The following CMSS1 variants were observed in gnomAD, a reference collection of about 807,000 sequenced individuals.
The protein encoded by CMSS1 is protein CMSS1.
CMSS1 carries 33 observed loss-of-function variants against 43.5 expected under a neutral mutation model. The ratio of observed to expected loss-of-function variants is 0.76; its 90% confidence interval spans 0.57 to 1.01. CMSS1 has a LOEUF of 1.01. Ranked by LOEUF, CMSS1 falls within the 50% of genes least tolerant of loss-of-function variation. The pLI is 0.00. For synonymous variants in CMSS1, 115 were observed against 117.2 expected, an observed-to-expected ratio of 0.98 and a Z score of 0.12; for missense variants, 313 against 326.4, an observed-to-expected ratio of 0.96 and a Z score of 0.32.
intron 1 of CMSS1, among the ~76,000 whole-genome samples, chr3:100,078,078 TAA>T (rs538006223): frequency 6.2e-5 from 9 of 146,002 alleles, no homozygotes; most frequent in African/African-American, 1.8e-4. Context: ...GGGCTTGCTT[TAA>T]AAAAAAAAAA....
chr3:100,150,809 CA>C (rs2066900800), intron 2 of CMSS1, among the ~76,000 whole-genome samples: 1 of 152,228 alleles, frequency 6.6e-6, no homozygotes, highest in South Asian at 2.1e-4. Context: ...TCTTCAGCAT[CA>C]GTCATTTCAG....
At chr3:99,966,870 C>G (rs1708669066) in intron 1 of CMSS1, among the ~76,000 whole-genome samples, 1 of 152,192 alleles carries the variant, frequency 6.6e-6, no homozygotes, top group Non-Finnish European at 1.5e-5. Context: ...TGAACTAACT[C>G]AAGCTGGCAG....
chr3:100,173,631 A>C (rs1405665527), intron 8 of CMSS1, among the ~76,000 whole-genome samples: 2 of 152,256 alleles, frequency 1.3e-5, no homozygotes, highest in Non-Finnish European at 2.9e-5. Flanking sequence ...CTGAATCTGC[A>C]GGGCAGGGTC....
At chr3:99,996,296 T>C (rs919449532) in intron 1 of CMSS1, among the ~76,000 whole-genome samples, 3 of 152,142 alleles carry the variant, frequency 2.0e-5, no homozygotes, top group Non-Finnish European at 2.9e-5. Flanking sequence ...TCACCTTTGC[T>C]CCAGTTCCCA....
chr3:100,172,172 C>T (rs2067115618), intron 7 of CMSS1, 144 bp from the exon 8 acceptor site: 1 of 707,924 alleles, frequency 1.4e-6, no homozygotes, highest in Non-Finnish European at 2.4e-6. Context: ...ATATGCTCAT[C>T]TCTGCCCTGG....
chr3:100,067,951 G>T (rs2065694182), intron 1 of CMSS1, among the ~76,000 whole-genome samples: 1 of 152,116 alleles, frequency 6.6e-6, no homozygotes, highest in Non-Finnish European at 1.5e-5. Context: ...TCATGTCCTT[G>T]TGTTAGTCTG....
At chr3:99,926,412 A>G (rs981778595) in intron 1 of CMSS1, among the ~76,000 whole-genome samples, 1 of 152,238 alleles carries the variant, frequency 6.6e-6, no homozygotes, top group African/African-American at 2.4e-5. Flanking sequence ...GTTGATTGTC[A>G]TGGAAGTGTG....
At chr3:99,996,553 A>G (rs1212203246) in intron 1 of CMSS1, among the ~76,000 whole-genome samples, 1 of 152,156 alleles carries the variant, frequency 6.6e-6, no homozygotes, top group Admixed American at 6.5e-5. Context: ...TGACTGTATT[A>G]GTCAGTTTTC....
intron 1 of CMSS1, among the ~76,000 whole-genome samples, chr3:99,952,427 C>T (rs1207897250): frequency 6.6e-6 from 1 of 152,138 alleles, no homozygotes; most frequent in East Asian, 1.9e-4. Flanking sequence ...TCTGGCTGAT[C>T]CTACCCCAGC....
intron 1 of CMSS1, among the ~76,000 whole-genome samples, chr3:99,820,984 G>A (rs188449859): frequency 3.9e-4 from 60 of 152,314 alleles, no homozygotes; most frequent in Admixed American, 3.9e-3. Flanking sequence ...GACATCCATG[G>A]TAGCAAGGCA....
intron 1 of CMSS1, among the ~76,000 whole-genome samples, chr3:100,101,869 T>C (rs2066313018): frequency 6.6e-6 from 1 of 151,962 alleles, no homozygotes; most frequent in African/African-American, 2.4e-5. Flanking sequence ...GAACATGCAG[T>C]GTTTGGTTTT....
intron 1 of CMSS1, among the ~76,000 whole-genome samples, chr3:99,951,161 G>A (rs1354041974): frequency 6.6e-6 from 1 of 152,128 alleles, no homozygotes; most frequent in Non-Finnish European, 1.5e-5. Flanking sequence ...TCTTCCCTCA[G>A]CTGTTCACTC....
intron 1 of CMSS1, among the ~76,000 whole-genome samples, chr3:99,900,321 C>G (rs1706394657): frequency 6.6e-6 from 1 of 152,148 alleles, no homozygotes; most frequent in Non-Finnish European, 1.5e-5. Flanking sequence ...ACAACTAACA[C>G]ATACCTGGTG....
At chr3:100,095,542 G>A (rs2066190579) in intron 1 of CMSS1, among the ~76,000 whole-genome samples, 1 of 151,774 alleles carries the variant, frequency 6.6e-6, no homozygotes, top group South Asian at 2.1e-4. Context: ...CCAATAAATG[G>A]TGCTAGGAAA....
intron 1 of CMSS1, chr3:99,931,125 AT>A: frequency 9.8e-7 from 1 of 1,017,974 alleles, no homozygotes; most frequent in Non-Finnish European, 1.5e-6. Flanking sequence ...TTCTTGTTAT[AT>A]TTACCACAGC....
intron 1 of CMSS1, among the ~76,000 whole-genome samples, chr3:99,934,483 C>T (rs1376054516): frequency 2.6e-5 from 4 of 152,132 alleles, no homozygotes; most frequent in Non-Finnish European, 5.9e-5. Context: ...CCCACATAGT[C>T]CTGTGTGGAA....
At chr3:100,166,624 A>ATCCCC (rs2067068369) in intron 5 of CMSS1, among the ~76,000 whole-genome samples, 1 of 152,218 alleles carries the variant, frequency 6.6e-6, no homozygotes. Flanking sequence ...AATAAGGAAG[A>ATCCCC]TGGACTATGT....
chr3:99,834,607 T>C (rs941803761), intron 1 of CMSS1, among the ~76,000 whole-genome samples: 1 of 152,244 alleles, frequency 6.6e-6, no homozygotes, highest in Admixed American at 6.5e-5. Flanking sequence ...ATTTGTTCTC[T>C]TTTTATCCAT....
chr3:99,938,934 T>G (rs746525502), intron 1 of CMSS1, among the ~76,000 whole-genome samples: 1 of 152,212 alleles, frequency 6.6e-6, no homozygotes, highest in Non-Finnish European at 1.5e-5. Flanking sequence ...AAAAGACAAT[T>G]GAAAACAAGA....
Sources: gnomAD v4.1 joint callset for allele counts (sites outside exome capture counted in the v4.1 genomes callset) on GRCh38, gnomAD v4.1.1 for gene constraint, MANE v1.5 for transcripts, NCBI Gene and HGNC (gene_info 2026-07-23, HGNC 2026-07-21) for gene names.